C8orf34: variants seen among roughly 807,000 people sequenced by gnomAD.
C8orf34 encodes the protein uncharacterized protein C8orf34.
Under a neutral mutation model 68.3 loss-of-function variants are expected in C8orf34, and 65 were observed. The ratio of observed to expected loss-of-function variants is 0.95; its 90% confidence interval spans 0.78 to 1.17. C8orf34 has a LOEUF of 1.17. Ranked by LOEUF, C8orf34 falls within the 50% of genes most tolerant of loss-of-function variation. C8orf34 has a pLI of 0.00. For missense variants in C8orf34, 664 were observed against 655.4 expected, an observed-to-expected ratio of 1.01 and a Z score of -0.14; for synonymous variants, 244 against 241.2, an observed-to-expected ratio of 1.01 and a Z score of -0.11.
chr8:68,417,350 C>A (rs1980177), intron 1 of C8orf34, among the ~76,000 whole-genome samples: 31,283 of 151,698 alleles, frequency 0.21, 4,328 homozygotes, highest in African/African-American at 0.39. Flanking sequence ...CATATATTGC[C>A]GTTTGTAATA....
Position 68,478,074 on chromosome 8 carries a change from GT to G in C8orf34, c.736+9256del, listed in dbSNP as rs1586222559. 3.3e-5 allele frequency among the ~76,000 whole-genome samples: 5 copies of G among 152,284 alleles called. No individual in the cohort carries two copies. The East Asian group carries it at 9.7e-4, about 29-fold the overall frequency. On this transcript the variant is annotated intron_variant, in intron 4 of 13. Transcript: ENST00000518698. ...CTTGGTGAATAGCATTCAGCTCCTTGTTACTTATGCAAATGTCTGCAGCTGG... is the reference window on the plus strand; with the variant it reads ...CTTGGTGAATAGCATTCAGCTCCTTGTACTTATGCAAATGTCTGCAGCTGG...
intron 7 of C8orf34, among the ~76,000 whole-genome samples, chr8:68,603,861 G>A (rs1335351868): frequency 6.6e-6 from 1 of 152,066 alleles, no homozygotes; most frequent in Non-Finnish European, 1.5e-5. Context: ...GCATTTCACT[G>A]TGTATAACCT....
At chr8:68,367,412 G>T (rs1416029243) in intron 1 of C8orf34, among the ~76,000 whole-genome samples, 1 of 43,378 alleles carries the variant, frequency 2.3e-5, no homozygotes, top group African/African-American at 1.5e-4. Context: ...TATACCCAAA[G>T]GACTATAAAT....
At chr8:68,756,789 G>T (rs947312237) in intron 10 of C8orf34, among the ~76,000 whole-genome samples, 1 of 152,080 alleles carries the variant, frequency 6.6e-6, no homozygotes, top group South Asian at 2.1e-4. Context: ...TAAATATTCT[G>T]ATCAATATTT....
intron 1 of C8orf34, among the ~76,000 whole-genome samples, chr8:68,412,833 TCGA>T (rs1010789571): frequency 1.1e-4 from 16 of 152,246 alleles, no homozygotes; most frequent in African/African-American, 3.9e-4. Context: ...CAACGACTTT[TCGA>T]CCCTACCTGG....
chr8:68,785,158 C>T (rs1192626487), intron 11 of C8orf34, among the ~76,000 whole-genome samples: 1 of 151,582 alleles, frequency 6.6e-6, no homozygotes, highest in Non-Finnish European at 1.5e-5. Flanking sequence ...GAGTCATTAT[C>T]TCACCACTAC....
chr8:68,341,363 A>G (rs1806062226), intron 1 of C8orf34, among the ~76,000 whole-genome samples: 1 of 152,216 alleles, frequency 6.6e-6, no homozygotes, highest in Non-Finnish European at 1.5e-5. Context: ...CAGAAAACCA[A>G]AGCTCGACCT....
rs891586908 is a variant in C8orf34 at position 68,434,916 on chromosome 8, G to A, written c.328-4583G>A. Among the ~76,000 whole-genome samples the A allele has an allele frequency of 2.6e-5, 4 of 151,884 alleles. 1 individual carries two copies. The highest frequency in any genetic ancestry group is 5.9e-5 in the Non-Finnish European group (4 of 67,984). ...AAAAAATAATTAGCTGGGCATGGTG[G>A]CATGTGCCTGTAATCCCAGCTACTC... On this transcript the variant is annotated intron_variant, in intron 1 of 13. Coordinates refer to ENST00000518698, the MANE Select transcript of C8orf34 (RefSeq NM_052958.4).
intron 8 of C8orf34, among the ~76,000 whole-genome samples, chr8:68,641,198 G>T (rs186830445): frequency 2.8e-4 from 43 of 152,302 alleles, no homozygotes; most frequent in African/African-American, 1.0e-3. Flanking sequence ...ACAATGTACT[G>T]GCTGGCCAAT....
At chr8:68,469,081 A>G (rs182760390) in intron 4 of C8orf34, among the ~76,000 whole-genome samples, 94 of 152,122 alleles carry the variant, frequency 6.2e-4, no homozygotes, top group Non-Finnish European at 8.8e-4. Flanking sequence ...GGTTTCTGTT[A>G]TCCAGTTTAA....
chr8:68,697,832 C>T (rs1055622893), intron 8 of C8orf34, among the ~76,000 whole-genome samples: 3 of 152,088 alleles, frequency 2.0e-5, no homozygotes, highest in Non-Finnish European at 2.9e-5. Context: ...TGGCATGATC[C>T]TAAACCTTCA....
At chr8:68,775,146 G>A (rs1197767461) in intron 10 of C8orf34, among the ~76,000 whole-genome samples, 1 of 151,418 alleles carries the variant, frequency 6.6e-6, no homozygotes, top group Non-Finnish European at 1.5e-5. Context: ...TTGACTTAGG[G>A]CACTTCACTC....
At chr8:68,595,879 A>G (rs1439972170) in intron 7 of C8orf34, among the ~76,000 whole-genome samples, 1 of 152,054 alleles carries the variant, frequency 6.6e-6, no homozygotes, top group African/African-American at 2.4e-5. Context: ...ATATTTAACA[A>G]TTTCAGTTAT....
rs114100263 is a variant in C8orf34, at chr8:68,659,302, G to T, written c.1241+18791G>T. Among the ~76,000 whole-genome samples the T allele has an allele frequency of 5.5e-3, 842 of 152,108 alleles. 12 individuals carry two copies. The highest frequency in any genetic ancestry group is 0.019 in the African/African-American group (807 of 41,478). On this transcript the variant is annotated intron_variant, in intron 8 of 13. Transcript: ENST00000518698. ...TTTAATATTGGAGCACTTAATTTTG[G>T]CTCATCTCACACAGTGAGCCTGGTT... is the stretch of plus-strand genomic sequence containing the variant.
intron 1 of C8orf34, among the ~76,000 whole-genome samples, chr8:68,339,059 T>G (rs1240727631): frequency 1.3e-5 from 2 of 152,124 alleles, no homozygotes; most frequent in African/African-American, 4.8e-5. Context: ...TTATTTGGGT[T>G]GTTTTGGGGG....
intron 1 of C8orf34, among the ~76,000 whole-genome samples, chr8:68,410,810 A>G (rs1809410929): frequency 1.3e-5 from 2 of 151,386 alleles, no homozygotes; most frequent in African/African-American, 4.9e-5. Context: ...TCCTGTGGGT[A>G]AAAGCCGCAA....
At chr8:68,341,347 C>T (rs1407170346) in intron 1 of C8orf34, among the ~76,000 whole-genome samples, 1 of 152,190 alleles carries the variant, frequency 6.6e-6, no homozygotes, top group African/African-American at 2.4e-5. Context: ...TTTGGATATC[C>T]ATTGGCAGAA....
chr8:68,713,845 A>C (rs1448002507), intron 9 of C8orf34, among the ~76,000 whole-genome samples: 1 of 152,148 alleles, frequency 6.6e-6, no homozygotes, highest in Non-Finnish European at 1.5e-5. Context: ...ACACGAAAAG[A>C]AAACTACAGA....
chr8:68,755,961 G>A (rs1822845488), intron 10 of C8orf34, among the ~76,000 whole-genome samples: 3 of 152,048 alleles, frequency 2.0e-5, no homozygotes, highest in Admixed American at 2.0e-4. Context: ...CAGCTACTCG[G>A]GAGGCTGAGG....
Sources: gnomAD v4.1 joint callset for allele counts (sites outside exome capture counted in the v4.1 genomes callset) on GRCh38, gnomAD v4.1.1 for gene constraint, MANE v1.5 for transcripts, NCBI Gene and HGNC (gene_info 2026-07-23, HGNC 2026-07-21) for gene names.